BRAF: variants seen among roughly 807,000 people sequenced by gnomAD.
BRAF encodes B-Raf proto-oncogene, serine/threonine kinase.
A neutral mutation model predicts 104.6 loss-of-function variants in BRAF; 16 were observed. That is an observed-to-expected ratio of 0.15 (90% CI 0.10 to 0.23). The LOEUF is 0.23. BRAF is among the 10% of genes least tolerant of loss of function. The pLI is 1.00. For missense variants in BRAF, 541 were observed against 937.3 expected (o/e 0.58, Z 5.52); for synonymous variants, 310 against 341.6 (o/e 0.91, Z 1.02).
At chr7:140,757,437 G>A (rs774997703) in intron 14 of BRAF, among the ~76,000 whole-genome samples, 16 of 151,874 alleles carry the variant, frequency 1.1e-4, no homozygotes, top group Non-Finnish European at 1.5e-4. Context: ...CTACAGGCGC[G>A]CGCCACCATG....
intron 19 of BRAF, chr7:140,733,630 G>A (rs1273974671): frequency 6.6e-6 from 1 of 152,114 alleles, no homozygotes; most frequent in Admixed American, 6.5e-5. Flanking sequence ...AATATAAGGA[G>A]GACAGAACAT....
rs563305307 is a variant in BRAF, at chr7:140,892,718, G to A, written c.138+31848C>T. On this transcript the variant is annotated intron_variant, in intron 1 of 19. Transcript: ENST00000644969. Reference sequence around the variant, plus strand: ...GGACCTGAAATATGACATTTTACGAGTTTTTATCTGGTTTAGATTTTGTTT... The same window carrying A: ...GGACCTGAAATATGACATTTTACGAATTTTTATCTGGTTTAGATTTTGTTT... 2.6e-5 allele frequency among the ~76,000 whole-genome samples: 4 copies of A among 152,234 alleles called. No individual in the cohort carries two copies. The East Asian group carries it at 7.7e-4, about 29-fold the overall frequency.
At chr7:140,746,354 G>A (rs1431286735) in intron 17 of BRAF, among the ~76,000 whole-genome samples, 1 of 152,096 alleles carries the variant, frequency 6.6e-6, no homozygotes, top group Non-Finnish European at 1.5e-5. Flanking sequence ...AGAGAAAAAT[G>A]TTAGAATGAT....
intron 7 of BRAF, among the ~76,000 whole-genome samples, chr7:140,797,842 A>C (rs1333098507): frequency 1.3e-5 from 2 of 152,178 alleles, no homozygotes; most frequent in African/African-American, 4.8e-5. Context: ...ATTAATTAAA[A>C]ACCAACCAAA....
chr7:140,872,211 A>T (rs573775690), intron 1 of BRAF, among the ~76,000 whole-genome samples: 8 of 151,984 alleles, frequency 5.3e-5, no homozygotes, highest in African/African-American at 1.9e-4. Context: ...GTGAAACTCC[A>T]TCTCAAAATA....
chr7:140,852,457 T>TCAGATCTA (rs1809286608), intron 1 of BRAF, among the ~76,000 whole-genome samples: 1 of 151,224 alleles, frequency 6.6e-6, no homozygotes, highest in South Asian at 2.1e-4. Flanking sequence ...AAGCTCCATC[T>TCAGATCTA]CAGATCTACT....
intron 15 of BRAF, 123 bp from the exon 15 acceptor site, chr7:140,753,516 A>G (rs530544761): frequency 6.6e-5 from 45 of 677,918 alleles, no homozygotes; most frequent in South Asian, 6.5e-4. Context: ...TTTAAAACAT[A>G]GTACTTCATC....
chr7:140,740,678 G>A (rs1435886128), intron 17 of BRAF: 2 of 152,338 alleles, frequency 1.3e-5, no homozygotes, highest in Non-Finnish European at 2.9e-5. Flanking sequence ...GTGCAACAGG[G>A]GGAGAGTAGA....
chr7:140,882,353 A>G (rs1214528596), intron 1 of BRAF, among the ~76,000 whole-genome samples: 1 of 147,242 alleles, frequency 6.8e-6, no homozygotes. Context: ...AATAACTATT[A>G]TTTCTTTATC....
chr7:140,785,510 T>G (rs1801263955), intron 10 of BRAF, among the ~76,000 whole-genome samples: 1 of 152,194 alleles, frequency 6.6e-6, no homozygotes, highest in African/African-American at 2.4e-5. Flanking sequence ...ACAGAAAGCT[T>G]GTGGCAGTGA....
At chr7:140,914,134 T>C (rs1817322543) in intron 1 of BRAF, among the ~76,000 whole-genome samples, 1 of 152,218 alleles carries the variant, frequency 6.6e-6, no homozygotes. Context: ...TATTTATCTT[T>C]TGTCTTAAAA....
intron 1 of BRAF, among the ~76,000 whole-genome samples, chr7:140,901,141 A>G (rs1272672319): frequency 6.6e-6 from 1 of 152,268 alleles, no homozygotes; most frequent in African/African-American, 2.4e-5. Flanking sequence ...TCCTATGTTA[A>G]AAGAAATTAA....
chr7:140,736,736 C>G (rs1032378446), intron 18 of BRAF, among the ~76,000 whole-genome samples: 1 of 149,968 alleles, frequency 6.7e-6, no homozygotes, highest in Non-Finnish European at 1.5e-5. Context: ...CTCTGTTTAA[C>G]CTTTTAAAGT....
chr7:140,728,200 A>C (rs1009772), intron 19 of BRAF, among the ~76,000 whole-genome samples: 3 of 152,076 alleles, frequency 2.0e-5, no homozygotes, highest in Admixed American at 2.0e-4. Flanking sequence ...TGATAACCCT[A>C]TGAGGCAGAT....
intron 3 of BRAF, among the ~76,000 whole-genome samples, chr7:140,812,155 C>A (rs1804339694): frequency 7.6e-6 from 1 of 130,882 alleles, no homozygotes; most frequent in East Asian, 2.2e-4. Context: ...CATGTGCATG[C>A]ACACCTGTGT....
rs1173401562 is a variant in BRAF at position 140,844,396 on chromosome 7, T to C, written c.240+5715A>G. Among the ~76,000 whole-genome samples, 4 of 152,230 alleles carry C rather than the reference T, an allele frequency of 2.6e-5. No homozygotes were observed. The East Asian group carries it at 7.7e-4, about 29-fold the overall frequency. ...TTATCTCTGATGCTAATTATAGTTA[T>C]TTTTAAGTTTTATTCTGTTTTCTGC... On this transcript the variant is annotated intron_variant, in intron 2 of 19. Transcript: ENST00000644969.
intron 3 of BRAF, among the ~76,000 whole-genome samples, chr7:140,831,587 C>T (rs1806754203): frequency 6.6e-6 from 1 of 152,174 alleles, no homozygotes; most frequent in Admixed American, 6.5e-5. Context: ...TGTTGTACAA[C>T]TCCAGGAGGC....
At chr7:140,750,327 T>C (rs1354556617) in intron 16 of BRAF, among the ~76,000 whole-genome samples, 1 of 152,218 alleles carries the variant, frequency 6.6e-6, no homozygotes, top group Non-Finnish European at 1.5e-5. Context: ...TCCTGGTTAT[T>C]GCTCTGGGTA....
chr7:140,791,285 T>C (rs970980425), intron 8 of BRAF, among the ~76,000 whole-genome samples: 1 of 152,196 alleles, frequency 6.6e-6, no homozygotes, highest in Non-Finnish European at 1.5e-5. Flanking sequence ...CTCAATGAAG[T>C]AAAGATGACA....
Sources: allele counts gnomAD v4.1 joint callset (sites outside exome capture counted in the v4.1 genomes callset), GRCh38; gene constraint gnomAD v4.1.1; transcripts MANE v1.5; gene names NCBI Gene and HGNC (gene_info 2026-07-23, HGNC 2026-07-21).